The following GALNT17 variants were observed in gnomAD, a reference collection of about 807,000 sequenced individuals.
GALNT17 encodes the protein polypeptide N-acetylgalactosaminyltransferase 17.
GALNT17 carries 29 observed loss-of-function variants against 63.7 expected under a neutral mutation model. That is an observed-to-expected ratio of 0.46 (90% confidence interval 0.34 to 0.62). The LOEUF (loss-of-function observed/expected upper bound fraction) is 0.62. Among genes scored for constraint, GALNT17 ranks in the 20% least tolerant of loss-of-function variants. The pLI, the probability that GALNT17 is intolerant of heterozygous loss-of-function variation, is 0.01. For missense variants in GALNT17, 603 were observed against 799.6 expected, an observed-to-expected ratio of 0.75 and a Z score of 2.97; for synonymous variants, 305 against 318.3, an observed-to-expected ratio of 0.96 and a Z score of 0.45.
chr7:71,418,190 A>G (rs1438750644), intron 4 of GALNT17, among the ~76,000 whole-genome samples: 3 of 152,156 alleles, frequency 2.0e-5, no homozygotes, highest in Non-Finnish European at 4.4e-5. Flanking sequence ...TCTACAGTCT[A>G]ATTCTAGTCT....
At chr7:71,465,526 G>A (rs772671248) in intron 5 of GALNT17, among the ~76,000 whole-genome samples, 22 of 152,264 alleles carry the variant, frequency 1.4e-4, no homozygotes, top group Non-Finnish European at 2.4e-4. Context: ...TTCTACATGC[G>A]TGTTTCTATA....
chr7:71,522,314 G>A (rs1341389522), intron 5 of GALNT17, among the ~76,000 whole-genome samples: 6 of 152,196 alleles, frequency 3.9e-5, no homozygotes, highest in African/African-American at 1.4e-4. Context: ...GGTGTGGACA[G>A]ACTGTATTAG....
intron 3 of GALNT17, among the ~76,000 whole-genome samples, chr7:71,412,197 C>T (rs575023075): frequency 2.0e-5 from 3 of 152,176 alleles, no homozygotes; most frequent in South Asian, 2.1e-4. Flanking sequence ...TCCAGCTGCT[C>T]GGGAGGCTGA....
intron 1 of GALNT17, among the ~76,000 whole-genome samples, chr7:71,174,485 C>A (rs1788601225): frequency 6.6e-6 from 1 of 152,154 alleles, no homozygotes; most frequent in Admixed American, 6.6e-5. Context: ...ACTAAACAGG[C>A]TTTGTGTGAG....
At chr7:71,704,305 T>A (rs1791693220) in intron 9 of GALNT17, among the ~76,000 whole-genome samples, 1 of 152,064 alleles carries the variant, frequency 6.6e-6, no homozygotes, top group Admixed American at 6.6e-5. Flanking sequence ...TAGGAATAAA[T>A]TTAGCCAAAA....
At chr7:71,486,223 G>T (rs1787906307) in intron 5 of GALNT17, among the ~76,000 whole-genome samples, 1 of 151,734 alleles carries the variant, frequency 6.6e-6, no homozygotes, top group South Asian at 2.1e-4. Context: ...CAGCTACTTG[G>T]GAGGCTGATG....
rs71089954 is a variant in GALNT17, at chr7:71,540,093, C to CTTTTTTTTTTTTTTTT, written c.963-31172_963-31157dup. Among the ~76,000 whole-genome samples, 5 of 33,524 alleles carry CTTTTTTTTTTTTTTTT rather than the reference C, an allele frequency of 1.5e-4. 2 individuals carry two copies. Among genetic ancestry groups the CTTTTTTTTTTTTTTTT allele is most frequent in the Non-Finnish European group, 2.8e-4 (5 of 18,022 alleles). The allele number at this position is 33,524 out of a possible 152,430, so 22.0% of individuals were successfully genotyped here. On this transcript the variant is annotated intron_variant, in intron 5 of 10. Transcript: ENST00000333538. ...ACAGTTGTGAGCCACTGTGCCTGGC[C>CTTTTTTTTTTTTTTTT]TTTTTTTTTTTTTTTTTTTTTTTTT...
chr7:71,486,023 A>G (rs916235196), intron 5 of GALNT17, among the ~76,000 whole-genome samples: 1 of 152,166 alleles, frequency 6.6e-6, no homozygotes, highest in Non-Finnish European at 1.5e-5. Context: ...ACTGGACTTA[A>G]TGGGCATTTA....
rs71816496 is a variant in GALNT17, at chr7:71,621,501, A to AGATGGATGGATGGATGGATG, written c.1081-43894_1081-43875dup. On this transcript the variant is annotated intron_variant, in intron 6 of 10. Transcript: ENST00000333538. ...TGGATGAATGGATGGATTGATGGAT[A>AGATGGATGGATGGATGGATG]GATGGATGGATGGATGGATGGATGG... Among the ~76,000 whole-genome samples the AGATGGATGGATGGATGGATG allele has an allele frequency of 4.7e-4, 20 of 42,484 alleles. 1 individual carries two copies. The highest frequency in any genetic ancestry group is 7.8e-4 in the African/African-American group (20 of 25,624). The allele number at this position is 42,484 out of a possible 152,430, so 27.9% of individuals were successfully genotyped here.
Position 71,189,375 on chromosome 7 carries a change from A to G in GALNT17, c.238+56335A>G, listed in dbSNP as rs117431964. On this transcript the variant is annotated intron_variant, in intron 1 of 10. Transcript: ENST00000333538. ...CGGGTATGTGAAAATGGAATAATAC[A>G]TTGCTTCTTGGAAGACAGCTTTTCC... is the stretch of plus-strand genomic sequence containing the variant. Among the ~76,000 whole-genome samples, 354 of 152,150 alleles carry G rather than the reference A, an allele frequency of 2.3e-3. 6 individuals are homozygous for G. In the East Asian group the frequency reaches 0.035, roughly 15 times the overall value.
Position 71,154,738 on chromosome 7 carries a change from G to A in GALNT17, c.238+21698G>A, listed in dbSNP as rs369918587. ...ACTACAGGCGCCCGCCACCATGCCCGGCTAATTTTTTGTATTTTTAGTAGA... is the reference window on the plus strand; with the variant it reads ...ACTACAGGCGCCCGCCACCATGCCCAGCTAATTTTTTGTATTTTTAGTAGA... On this transcript the variant is annotated intron_variant, in intron 1 of 10. Coordinates refer to ENST00000333538, the MANE Select transcript of GALNT17 (RefSeq NM_022479.3). Among the ~76,000 whole-genome samples the A allele has an allele frequency of 6.8e-3, 1,032 of 150,922 alleles. 14 individuals are homozygous for A. The highest frequency in any genetic ancestry group is 0.023 in the African/African-American group (933 of 40,450).
chr7:71,713,449 C>G lies in GALNT17; in HGVS notation c.*1303C>G, dbSNP rs554222710. ...CCCCATCTCTTTTTCCCCACACTGT[C>G]CCTGGCCAAGCCCTGCCCAGAGCTG... On this transcript the variant is annotated 3_prime_UTR_variant, in exon 11 of 11. Transcript: ENST00000333538. The G allele has an allele frequency of 6.5e-6, 1 of 152,980 alleles. No homozygotes were observed. Among genetic ancestry groups the G allele is most frequent in the South Asian group, 2.1e-4 (1 of 4,850 alleles). 9.5% of individuals were successfully genotyped at this position (152,980 alleles called of 1,614,324 possible). A position where few individuals can be genotyped will look rare whatever the true frequency, so the allele number is the denominator to read the frequency against.
intron 1 of GALNT17, among the ~76,000 whole-genome samples, chr7:71,162,227 A>T (rs1347656225): frequency 2.0e-5 from 3 of 147,336 alleles, no homozygotes; most frequent in Non-Finnish European, 4.5e-5. Flanking sequence ...TACTTTCGTT[A>T]TTCTTTCAAA....
At chr7:71,595,526 TGA>T (rs1789872257) in intron 6 of GALNT17, among the ~76,000 whole-genome samples, 1 of 151,936 alleles carries the variant, frequency 6.6e-6, no homozygotes, top group Admixed American at 6.6e-5. Flanking sequence ...GCTGGAACAG[TGA>T]GAGTTTCTTG....
chr7:71,219,416 A>G (rs534811082), intron 1 of GALNT17, among the ~76,000 whole-genome samples: 6 of 131,892 alleles, frequency 4.5e-5, no homozygotes, highest in Admixed American at 3.7e-4. Context: ...TTCCTCTGCC[A>G]TCTCTGTTAT....
Position 71,710,941 on chromosome 7 carries a change from T to C in GALNT17, c.1668+13T>C. 3 of 1,612,568 alleles carry C rather than the reference T, an allele frequency of 1.9e-6. No individual in the cohort carries two copies. The highest frequency in any genetic ancestry group is 2.5e-6 in the Non-Finnish European group (3 of 1,179,732). ...GAACTTCATCCAGGTGAGTGCTGTA[T>C]GGACAGAGCCAGCACCCAGAGTAGC... On this transcript the variant is annotated intron_variant, in intron 10 of 10. Transcript: ENST00000333538.
At chr7:71,515,205 A>C (rs1788426233) in intron 5 of GALNT17, among the ~76,000 whole-genome samples, 1 of 152,170 alleles carries the variant, frequency 6.6e-6, no homozygotes, top group Non-Finnish European at 1.5e-5. Flanking sequence ...TGATTGGTTC[A>C]CAAAGGATAC....
chr7:71,453,497 G>C (rs1380736934), intron 5 of GALNT17, among the ~76,000 whole-genome samples: 1 of 152,162 alleles, frequency 6.6e-6, no homozygotes, highest in Non-Finnish European at 1.5e-5. Context: ...AAAACCATCA[G>C]ATCTCATGAG....
rs3048366 is a variant in GALNT17, at chr7:71,576,529, TTGTGTGTGTGTGTGTGTG to T, written c.1080+5147_1080+5164del. Among the ~76,000 whole-genome samples, 26 of 142,910 alleles carry T rather than the reference TTGTGTGTGTGTGTGTGTG, an allele frequency of 1.8e-4. No homozygotes were observed. In the South Asian group the frequency reaches 5.9e-3, roughly 33 times the overall value. The allele number at this position is 142,910 out of a possible 152,430, so 93.8% of individuals were successfully genotyped here. On this transcript the variant is annotated intron_variant, in intron 6 of 10. Transcript: ENST00000333538. Reference sequence around the variant, plus strand: ...TGCCAGCATCTGTTGTTTTTTAACTTTGTGTGTGTGTGTGTGTGTGTGTGTGTGTGTGTGTGTTTTGTT... The same window carrying T: ...TGCCAGCATCTGTTGTTTTTTAACTTTGTGTGTGTGTGTGTGTGTTTTGTT...
Sources: gnomAD v4.1 joint callset for allele counts (sites outside exome capture counted in the v4.1 genomes callset) on GRCh38, gnomAD v4.1.1 for gene constraint, MANE v1.5 for transcripts, NCBI Gene and HGNC (gene_info 2026-07-23, HGNC 2026-07-21) for gene names.